Variants in CFAP299 observed in about 807,000 individuals in gnomAD.
CFAP299 encodes the protein cilia- and flagella-associated protein 299.
Under a neutral mutation model 27.0 loss-of-function variants are expected in CFAP299, and 21 were observed. The ratio of observed to expected loss-of-function variants is 0.78; its 90% CI spans 0.55 to 1.12. The LOEUF is 1.12. Ranked by LOEUF, CFAP299 falls within the 50% of genes most tolerant of loss-of-function variation. CFAP299 has a pLI of 0.00. For synonymous variants in CFAP299, 104 were observed against 98.1 expected, an observed-to-expected ratio of 1.06 and a Z score of -0.36; for missense variants, 310 against 276.6, an observed-to-expected ratio of 1.12 and a Z score of -0.86.
At chr4:80,864,902 T>C (rs185762279) in intron 3 of CFAP299, among the ~76,000 whole-genome samples, 33 of 152,288 alleles carry the variant, frequency 2.2e-4, no homozygotes, top group Non-Finnish European at 4.3e-4. Flanking sequence ...ATGCCCATTT[T>C]ATTATAGAGG....
intron 2 of CFAP299, among the ~76,000 whole-genome samples, chr4:80,550,176 C>G (rs537070862): frequency 7.9e-5 from 12 of 152,110 alleles, no homozygotes; most frequent in African/African-American, 2.6e-4. Flanking sequence ...CTAATCTGTC[C>G]ATTACTATAG....
At chr4:80,514,972 C>G (rs1165934320) in intron 2 of CFAP299, among the ~76,000 whole-genome samples, 1 of 151,916 alleles carries the variant, frequency 6.6e-6, no homozygotes, top group Non-Finnish European at 1.5e-5. Flanking sequence ...TCACCTCAAC[C>G]CACCCAGAAC....
At chr4:80,939,808 C>T (rs559829192) in intron 4 of CFAP299, among the ~76,000 whole-genome samples, 2 of 152,246 alleles carry the variant, frequency 1.3e-5, no homozygotes, top group African/African-American at 4.8e-5. Context: ...GTCAGCTTAA[C>T]TAGAGATTTT....
intron 3 of CFAP299, among the ~76,000 whole-genome samples, chr4:80,853,217 G>A (rs1198596404): frequency 1.3e-5 from 2 of 152,058 alleles, no homozygotes; most frequent in South Asian, 2.1e-4. Context: ...TTTTAGTAGA[G>A]ACGGGGTTTT....
chr4:80,789,230 G>A (rs186098872), intron 3 of CFAP299, among the ~76,000 whole-genome samples: 1 of 151,718 alleles, frequency 6.6e-6, no homozygotes, highest in Non-Finnish European at 1.5e-5. Flanking sequence ...TGCCTGGTGT[G>A]TAAGATGTTA....
intron 2 of CFAP299, among the ~76,000 whole-genome samples, chr4:80,396,053 C>T (rs1345220162): frequency 6.6e-6 from 1 of 152,140 alleles, no homozygotes; most frequent in Non-Finnish European, 1.5e-5. Flanking sequence ...GTAAATAGAG[C>T]AATAGATGTC....
chr4:80,594,128 T>C lies in CFAP299; in HGVS notation c.333+10945T>C, dbSNP rs544151710. Among the ~76,000 whole-genome samples, 4 of 152,302 alleles carry C rather than the reference T, an allele frequency of 2.6e-5. No individual in the cohort carries two copies. The East Asian group carries it at 7.7e-4, about 29-fold the overall frequency. On this transcript the variant is annotated intron_variant, in intron 3 of 5. Transcript: ENST00000358105. Reference sequence around the variant, plus strand: ...ATATTAGTCCATTTTCGCACTGCTATAAAGAAATATCCAAGACTGGGTAAT... The same window carrying C: ...ATATTAGTCCATTTTCGCACTGCTACAAAGAAATATCCAAGACTGGGTAAT...
chr4:80,621,161 G>A (rs1433957789), intron 3 of CFAP299, among the ~76,000 whole-genome samples: 2 of 151,920 alleles, frequency 1.3e-5, no homozygotes, highest in Admixed American at 1.3e-4. Flanking sequence ...AATTTTGGGG[G>A]GATTCAGTTA....
At chr4:80,703,748 C>T (rs1721654738) in intron 3 of CFAP299, among the ~76,000 whole-genome samples, 1 of 151,600 alleles carries the variant, frequency 6.6e-6, no homozygotes, top group South Asian at 2.1e-4. Context: ...TTTTACCATC[C>T]AACATAAATA....
chr4:80,651,603 G>T (rs1487589321), intron 3 of CFAP299, among the ~76,000 whole-genome samples: 1 of 151,630 alleles, frequency 6.6e-6, no homozygotes, highest in East Asian at 1.9e-4. Context: ...GAGCACAAAT[G>T]ATCCTCCTAT....
intron 2 of CFAP299, among the ~76,000 whole-genome samples, chr4:80,368,345 T>C (rs542367471): frequency 6.6e-6 from 1 of 152,336 alleles, no homozygotes; most frequent in Admixed American, 6.5e-5. Flanking sequence ...TACCCTTTAT[T>C]CTCAAGTATA....
intron 3 of CFAP299, among the ~76,000 whole-genome samples, chr4:80,820,962 C>T (rs1729672601): frequency 6.6e-6 from 1 of 152,132 alleles, no homozygotes; most frequent in Non-Finnish European, 1.5e-5. Flanking sequence ...GATTCCCAGA[C>T]CAATAATCCT....
chr4:80,782,635 AATATACAT>A (rs1726965588), intron 3 of CFAP299, among the ~76,000 whole-genome samples: 1 of 117,108 alleles, frequency 8.5e-6, no homozygotes, highest in East Asian at 2.2e-4. Context: ...ATTCATATAT[AATATACAT>A]ATATGAATAT....
At chr4:80,802,825 A>G (rs971481109) in intron 3 of CFAP299, among the ~76,000 whole-genome samples, 4 of 152,060 alleles carry the variant, frequency 2.6e-5, no homozygotes, top group African/African-American at 9.7e-5. Flanking sequence ...ATTGCATTCC[A>G]TATTGTGACA....
At chr4:80,613,966 A>T (rs138257172) in intron 3 of CFAP299, among the ~76,000 whole-genome samples, 1 of 152,112 alleles carries the variant, frequency 6.6e-6, no homozygotes, top group Non-Finnish European at 1.5e-5. Context: ...AGGCAGGCAC[A>T]TGTTTGATTC....
intron 2 of CFAP299, among the ~76,000 whole-genome samples, chr4:80,548,186 T>G (rs1291454877): frequency 6.6e-6 from 1 of 152,172 alleles, no homozygotes; most frequent in Non-Finnish European, 1.5e-5. Context: ...TGTGGAATAC[T>G]TAGCAGCCGT....
chr4:80,700,366 G>A (rs1721398615), intron 3 of CFAP299, among the ~76,000 whole-genome samples: 1 of 152,086 alleles, frequency 6.6e-6, no homozygotes, highest in Non-Finnish European at 1.5e-5. Flanking sequence ...TTTAGTTACT[G>A]CTGGTTGTAC....
chr4:80,483,106 A>G (rs1730646542), intron 2 of CFAP299, among the ~76,000 whole-genome samples: 1 of 152,234 alleles, frequency 6.6e-6, no homozygotes, highest in African/African-American at 2.4e-5. Context: ...ATGTAATCAC[A>G]AAGGTTCTTA....
At chr4:80,828,586 AT>A (rs1182167568) in intron 3 of CFAP299, among the ~76,000 whole-genome samples, 1 of 151,876 alleles carries the variant, frequency 6.6e-6, no homozygotes, top group African/African-American at 2.4e-5. Context: ...ACATCTGGTC[AT>A]TTAAAAGTGT....
Sources: allele counts gnomAD v4.1 joint callset (sites outside exome capture counted in the v4.1 genomes callset), GRCh38; gene constraint gnomAD v4.1.1; transcripts MANE v1.5; gene names NCBI Gene and HGNC (gene_info 2026-07-23, HGNC 2026-07-21).